The following CEPT1 variants were observed in gnomAD, a reference collection of about 807,000 sequenced individuals.
CEPT1 encodes the protein choline/ethanolaminephosphotransferase 1.
A neutral mutation model predicts 42.6 loss-of-function variants in CEPT1; 7 were observed. The ratio of observed to expected loss-of-function variants is 0.16; its 90% CI spans 0.09 to 0.31. CEPT1 has a LOEUF of 0.31. Among genes scored for constraint, CEPT1 ranks in the 10% least tolerant of loss-of-function variants. CEPT1 has a pLI of 1.00. For missense variants in CEPT1, 306 were observed against 502.1 expected, an observed-to-expected ratio of 0.61 and a Z score of 3.73; for synonymous variants, 171 against 171.9, an observed-to-expected ratio of 0.99 and a Z score of 0.04.
chr1:111,165,328 G>A (rs1310024055), intron 4 of CEPT1, among the ~76,000 whole-genome samples: 27 of 150,698 alleles, frequency 1.8e-4, no homozygotes, highest in African/African-American at 6.1e-4. Flanking sequence ...GATTACAGGC[G>A]TGAGCCACTG....
At chr1:111,179,726 G>T (rs1325768146) in intron 5 of CEPT1, 1 of 151,986 alleles carries the variant, frequency 6.6e-6, no homozygotes, top group Non-Finnish European at 1.5e-5. Flanking sequence ...GCTAATGTGG[G>T]GGCTAGATGT....
rs78201221 is a variant in CEPT1 at position 111,157,650 on chromosome 1, A to C, written c.340-1730A>C. Among the ~76,000 whole-genome samples the C allele has an allele frequency of 2.6e-4, 40 of 152,306 alleles. No individual in the cohort carries two copies. In the East Asian group the frequency reaches 6.0e-3, roughly 23 times the overall value. ...TACTCAGTTCAGTGTGCTTGCATGT[A>C]AAGTATGGTTCCATAATCATATTTA... On this transcript the variant is annotated intron_variant, in intron 2 of 8. Transcript: ENST00000357172.
intron 5 of CEPT1, among the ~76,000 whole-genome samples, chr1:111,176,623 G>A (rs981740531): frequency 1.3e-5 from 2 of 152,146 alleles, no homozygotes; most frequent in African/African-American, 4.8e-5. Context: ...TCAGATTTCA[G>A]ATGTTTTCAA....
In CEPT1 at chr1:111,147,094, G is replaced by A. The variant is rs76876082; in HGVS notation, c.-73-548G>A. Among the ~76,000 whole-genome samples, 494 of 152,310 alleles carry A rather than the reference G, an allele frequency of 3.2e-3. 3 individuals carry two copies. Among genetic ancestry groups the A allele is most frequent in the Middle Eastern group, 0.017 (5 of 294 alleles). On this transcript the variant is annotated intron_variant, in intron 1 of 8. Transcript: ENST00000357172. ...CCTTAGTTTATTTTTCTGTAAAAAT[G>A]GGGATAATTAATAGTCCTTGCCTTC...
intron 4 of CEPT1, among the ~76,000 whole-genome samples, chr1:111,169,453 T>C (rs934330385): frequency 2.6e-5 from 4 of 152,216 alleles, no homozygotes; most frequent in African/African-American, 7.2e-5. Context: ...GTACCCGATA[T>C]CTACTTTCAC....
intron 1 of CEPT1, among the ~76,000 whole-genome samples, chr1:111,146,941 G>A (rs1462284023): frequency 6.6e-6 from 1 of 150,456 alleles, no homozygotes. Flanking sequence ...TTGTCTTTTG[G>A]TTTAATTTAA....
intron 4 of CEPT1, among the ~76,000 whole-genome samples, chr1:111,168,705 G>A (rs1022669952): frequency 1.8e-4 from 27 of 152,214 alleles, no homozygotes; most frequent in African/African-American, 6.0e-4. Context: ...AGCCAGGATG[G>A]TCTCGATCTC....
chr1:111,181,785 C>G (rs895288258), intron 5 of CEPT1: 2 of 152,766 alleles, frequency 1.3e-5, no homozygotes, highest in Non-Finnish European at 2.9e-5. Flanking sequence ...TATGAATGTT[C>G]TACAGATTTA....
rs1163444959 is a variant in CEPT1 at position 111,182,244 on chromosome 1, A to G, written c.772A>G (p.Thr258Ala). 1 of 1,612,766 alleles carries G rather than the reference A, an allele frequency of 6.2e-7. No individual in the cohort carries two copies. The highest frequency in any genetic ancestry group is 2.2e-5 in the East Asian group (1 of 44,766). ...TCCTGCACTTTGTACTGTAGCAGGGACCATATTTTCCTGTACAAATTACTT... is the reference window on the plus strand; with the variant it reads ...TCCTGCACTTTGTACTGTAGCAGGGGCCATATTTTCCTGTACAAATTACTT... ...IFPALCTVAG[T>A]IFSCTNYFRV... Residue 258 changes from threonine (T) to alanine (A), a missense_variant, in exon 6 of 9, where the codon ACC becomes GCC. Coordinates refer to ENST00000357172, the MANE Select transcript of CEPT1 (RefSeq NM_006090.5).
chr1:111,184,412 C>T lies in CEPT1; in HGVS notation c.*102C>T. On this transcript the variant is annotated 3_prime_UTR_variant, in exon 9 of 9. Transcript: ENST00000357172. ...AAGAACAAATATAATTTATAATAATCAATGTTGTATAACTTTTATTCTTTA... is the reference window on the plus strand; with the variant it reads ...AAGAACAAATATAATTTATAATAATTAATGTTGTATAACTTTTATTCTTTA... 2 of 881,948 alleles carry T rather than the reference C, an allele frequency of 2.3e-6. No homozygotes were observed. Among genetic ancestry groups the T allele is most frequent in the Non-Finnish European group, 3.3e-6 (2 of 598,916 alleles). 54.6% of individuals were successfully genotyped at this position (881,948 alleles called of 1,614,324 possible).
intron 5 of CEPT1, 116 bp from the exon 6 acceptor site, chr1:111,182,071 G>C (rs112265808): frequency 9.0e-6 from 6 of 665,248 alleles, no homozygotes; most frequent in Non-Finnish European, 1.5e-5. Flanking sequence ...ATTACTTTAC[G>C]TATTTATGTA....
At position 111,144,249 on chromosome 1, in the gene CEPT1, G is replaced by T. The variant is rs1654827461; in HGVS notation, c.-73-3393G>T. 2.0e-5 allele frequency among the ~76,000 whole-genome samples: 3 copies of T among 152,200 alleles called. No individual in the cohort carries two copies. The South Asian group carries it at 6.2e-4, about 32-fold the overall frequency. On this transcript the variant is annotated intron_variant, in intron 1 of 8. Coordinates refer to ENST00000357172, the MANE Select transcript of CEPT1 (RefSeq NM_006090.5). ...CCCTGGATCTCAGATATGATGGAAG[G>T]AAGAGTAGAGATGAACCTGTGGTAG...
intron 5 of CEPT1, among the ~76,000 whole-genome samples, chr1:111,177,088 C>G (rs1656714933): frequency 6.6e-6 from 1 of 152,100 alleles, no homozygotes; most frequent in African/African-American, 2.4e-5. Context: ...ATCTTTATAC[C>G]ACACAGCAGA....
chr1:111,168,307 G>A (rs967451061), intron 4 of CEPT1, among the ~76,000 whole-genome samples: 1 of 151,766 alleles, frequency 6.6e-6, no homozygotes, highest in Admixed American at 6.6e-5. Context: ...AGTTTATTTG[G>A]CAGTTCAGAG....
At chr1:111,160,446 T>C (rs1041962325) in intron 3 of CEPT1, 1 of 152,280 alleles carries the variant, frequency 6.6e-6, no homozygotes, top group Non-Finnish European at 1.5e-5. Context: ...TTTACAGGTA[T>C]AGGTGCATAT....
chr1:111,169,001 G>C (rs531396401), intron 4 of CEPT1, among the ~76,000 whole-genome samples: 5 of 152,248 alleles, frequency 3.3e-5, no homozygotes, highest in South Asian at 4.1e-4. Context: ...ACAGCCTCCT[G>C]TATACTTTAA....
At chr1:111,162,301 G>C (rs679407) in intron 4 of CEPT1, among the ~76,000 whole-genome samples, 31,205 of 152,238 alleles carry the variant, frequency 0.2, 3,356 homozygotes, top group Middle Eastern at 0.27. Context: ...CATAATTAAT[G>C]TGAATGATGA....
upstream of CEPT1, chr1:111,139,802 C>T (rs1189349405): frequency 6.6e-6 from 1 of 152,258 alleles, no homozygotes; most frequent in Non-Finnish European, 1.5e-5. Flanking sequence ...CTCATCCCCG[C>T]CCCCGGAAAC....
intron 2 of CEPT1, among the ~76,000 whole-genome samples, chr1:111,150,635 TG>T (rs1655218185): frequency 6.6e-6 from 1 of 152,224 alleles, no homozygotes; most frequent in African/African-American, 2.4e-5. Flanking sequence ...ATATTTTTTA[TG>T]TTACTGATTT....
Sources: allele counts gnomAD v4.1 joint callset (sites outside exome capture counted in the v4.1 genomes callset), GRCh38; gene constraint gnomAD v4.1.1; transcripts MANE v1.5; gene names NCBI Gene and HGNC (gene_info 2026-07-23, HGNC 2026-07-21).